TLN1: variants seen among roughly 807,000 people sequenced by gnomAD.
TLN1 encodes the protein talin-1.
TLN1 carries 56 observed loss-of-function variants against 292.3 expected under a neutral mutation model. The observed-to-expected ratio is 0.19, with a 90% CI of 0.15 to 0.24. The LOEUF (loss-of-function observed/expected upper bound fraction) is 0.24, where lower values mean the gene tolerates loss of function less well. Ranked by LOEUF, TLN1 falls within the 10% of genes least tolerant of loss-of-function variation. The pLI is 1.00. For missense variants in TLN1, 2,433 were observed against 3,248.2 expected, an observed-to-expected ratio of 0.75 and a Z score of 6.10; for synonymous variants, 1,119 against 1,253.7, an observed-to-expected ratio of 0.89 and a Z score of 2.27.
intron 33 of TLN1, among the ~76,000 whole-genome samples, chr9:35,709,156 G>A (rs1456529302): frequency 2.0e-5 from 3 of 152,176 alleles, no homozygotes; most frequent in African/African-American, 7.2e-5. Flanking sequence ...TCAGACGGGT[G>A]TGGTGGCAGG....
rs1367577993 is a variant in TLN1 at position 35,724,659 on chromosome 9, T to G, written c.424A>C (p.Thr142Pro). 6.2e-7 allele frequency: 1 copy of G among 1,614,114 alleles called. No individual in the cohort carries two copies. Among genetic ancestry groups the G allele is most frequent in the Non-Finnish European group, 8.5e-7 (1 of 1,180,048 alleles). ...ELMEEKKEEITGTLRKDKTLL... is the reference protein window; with the variant it reads ...ELMEEKKEEIPGTLRKDKTLL... The stretch of plus-strand genomic sequence containing the variant: ...GTCTTGTCCTTTCTTAAGGTCCCTG[T>G]TATTTCCTCCTTTTTCTCTTCCATC... Residue 142 changes from threonine (T) to proline (P), a missense_variant, in exon 5 of 57, where the codon ACA becomes CCA. This residue lies in a region of TLN1 where 155 missense variants were observed against 287.9 expected (regional missense o/e 0.54). Coordinates refer to ENST00000314888, the MANE Select transcript of TLN1 (RefSeq NM_006289.4). This position sits in a 1 kb window ranked among gnomAD's most constrained non-coding sequence, Gnocchi z 4.7.
In TLN1 at chr9:35,697,782, G is replaced by A; in HGVS notation, c.*9C>T. 1.9e-6 allele frequency: 3 copies of A among 1,613,892 alleles called. No homozygotes were observed. Among genetic ancestry groups the A allele is most frequent in the Non-Finnish European group, 2.5e-6 (3 of 1,179,960 alleles). On this transcript the variant is annotated 3_prime_UTR_variant, in exon 57 of 57. Coordinates refer to ENST00000314888, the MANE Select transcript of TLN1 (RefSeq NM_006289.4). ...TGGGCCGGGTCTGCATTAAATAGAA[G>A]AGGCTTCTTTAGTGCTCATCTCGAA...
intron 29 of TLN1, 21 bp downstream of exon 29, chr9:35,711,574 A>G: frequency 6.2e-7 from 1 of 1,613,370 alleles, no homozygotes; most frequent in Non-Finnish European, 8.5e-7. Flanking sequence ...CCATTCAACC[A>G]GACCCTCTGC....
chr9:35,714,444 G>A lies in TLN1; in HGVS notation c.2986-71C>T, dbSNP rs1379239310. 1.9e-6 allele frequency: 3 copies of A among 1,574,538 alleles called. No homozygotes were observed. Among genetic ancestry groups the A allele is most frequent in the Non-Finnish European group, 2.6e-6 (3 of 1,162,328 alleles). On this transcript the variant is annotated intron_variant, in intron 23 of 56. Coordinates refer to ENST00000314888, the MANE Select transcript of TLN1 (RefSeq NM_006289.4). The surrounding 1 kb of genome is among the most constrained non-coding windows in gnomAD (Gnocchi z 4.6). ...GGGCTTGGGTACAAGGACTGATGAT[G>A]GTCAGGATGTAGGGAACACTGGGGC...
chr9:35,698,230 G>T lies in TLN1; in HGVS notation c.7372-58C>A. ...CTCAGGTACGGTCCCAGTTGAGACA[G>T]TACCTCAATTCTCTCATAGAAACAT... On this transcript the variant is annotated intron_variant, in intron 55 of 56. Coordinates refer to ENST00000314888, the MANE Select transcript of TLN1 (RefSeq NM_006289.4). The surrounding 1 kb of genome is among the most constrained non-coding windows in gnomAD (Gnocchi z 5.3). 2 of 1,610,148 alleles carry T rather than the reference G, an allele frequency of 1.2e-6. No individual in the cohort carries two copies. The highest frequency in any genetic ancestry group is 2.2e-5 in the South Asian group (2 of 90,950).
In TLN1 at chr9:35,722,825, C is replaced by T. The variant is rs200398103; in HGVS notation, c.843+36G>A. ...AGTAAGATTAAGCAGCAAAGCTCCG[C>T]GGTCATCCCAAATACTTTCCCCTAC... On this transcript the variant is annotated intron_variant, in intron 8 of 56. Coordinates refer to ENST00000314888, the MANE Select transcript of TLN1 (RefSeq NM_006289.4). 461 of 1,605,110 alleles carry T rather than the reference C, an allele frequency of 2.9e-4. 2 individuals are homozygous for T. Among genetic ancestry groups the T allele is most frequent in the Admixed American group, 1.0e-3 (62 of 59,956 alleles).
At chr9:35,713,332 AAGGAGAAGGTG>A in intron 25 of TLN1, 34 bp from the exon 26 acceptor site, 2 of 1,541,794 alleles carry the variant, frequency 1.3e-6, no homozygotes, top group Non-Finnish European at 1.8e-6. Flanking sequence ...GGGCTTGAGA[AAGGAGAAGGTG>A]AGGAGAAGGA....
At position 35,706,003 on chromosome 9, in the gene TLN1, C is replaced by T. The variant is rs1177596250; in HGVS notation, c.5470G>A (p.Val1824Met). Residue 1824 changes from valine (V) to methionine (M), a missense_variant, in exon 41 of 57, where the codon GTG becomes ATG. Val to Met is a conservative substitution (Grantham distance 21). Around this residue, in one of 7 missense-constraint regions of TLN1, gnomAD observed 1,384 missense variants for 1,699.6 expected, o/e 0.81. Transcript: ENST00000314888. This position sits in a 1 kb window ranked among gnomAD's most constrained non-coding sequence, Gnocchi z 4.2. ...LNEAASAAGV[V>M]GGMVDSITQA... ...GTGATGGAGTCCACCATGCCACCCA[C>T]GACCCCAGCAGCACTGGCTGCCTCG... is the stretch of plus-strand genomic sequence containing the variant. 26 of 1,614,110 alleles carry T rather than the reference C, an allele frequency of 1.6e-5. No homozygotes were observed. Among genetic ancestry groups the T allele is most frequent in the Non-Finnish European group, 2.2e-5 (26 of 1,180,042 alleles).
chr9:35,721,565 C>T (rs540701013), intron 10 of TLN1, 83 bp downstream of exon 10: 4 of 1,487,174 alleles, frequency 2.7e-6, no homozygotes, highest in Non-Finnish European at 3.7e-6. Flanking sequence ...AGTATACTTA[C>T]CCCAAGAGAG....
At chr9:35,723,086 G>A in intron 7 of TLN1, 165 bp from the exon 8 acceptor site, 2 of 556,384 alleles carry the variant, frequency 3.6e-6, no homozygotes, top group South Asian at 2.2e-5. Flanking sequence ...TGAAATAGAG[G>A]TGACTTCGTG....
At chr9:35,726,819 G>A (rs1825985996) in intron 1 of TLN1, among the ~76,000 whole-genome samples, 3 of 152,316 alleles carry the variant, frequency 2.0e-5, no homozygotes, top group South Asian at 4.1e-4. Context: ...AATAGACTCT[G>A]GGAGGCCAGG....
Position 35,721,639 on chromosome 9 carries a change from C to T in TLN1, c.1104+9G>A. On this transcript the variant is annotated intron_variant, in intron 10 of 56. Coordinates refer to ENST00000314888, the MANE Select transcript of TLN1 (RefSeq NM_006289.4). Reference sequence around the variant, plus strand: ...CAAAGCACTTTCTTGTTATAGTCCCCAGACTTACCAGGGTGAAGCTTTTGG... The same window carrying T: ...CAAAGCACTTTCTTGTTATAGTCCCTAGACTTACCAGGGTGAAGCTTTTGG... 1.9e-6 allele frequency: 3 copies of T among 1,610,790 alleles called. No individual in the cohort carries two copies. The highest frequency in any genetic ancestry group is 1.1e-5 in the South Asian group (1 of 91,034).
At position 35,714,720 on chromosome 9, in the gene TLN1, G is replaced by A. The variant is rs1053240785; in HGVS notation, c.2872-33C>T. 1.2e-6 allele frequency: 2 copies of A among 1,612,378 alleles called. No individual in the cohort carries two copies. Among genetic ancestry groups the A allele is most frequent in the Non-Finnish European group, 1.7e-6 (2 of 1,178,808 alleles). ...TGAAAATGTCATAAGAGACCCACAA[G>A]TCTCCCTCTTCCACTCCCACATCCT... On this transcript the variant is annotated intron_variant, in intron 22 of 56. Coordinates refer to ENST00000314888, the MANE Select transcript of TLN1 (RefSeq NM_006289.4). This position sits in a 1 kb window ranked among gnomAD's most constrained non-coding sequence, Gnocchi z 4.6.
Position 35,710,821 on chromosome 9 carries a change from C to T in TLN1, c.4179G>A (p.Leu1393=), listed in dbSNP as rs139083109. The part of the protein sequence containing the change: ...PINDMSYFGC[L]DSVMENSKVL... ...CCTTTGAGTTCTCCATTACACTGTC[C>T]AGGCAACCAAAGTAGGACATGTCAT... The change falls in exon 32 of 57, where the codon CTG becomes CTA. Residue 1393 remains leucine (L), a synonymous_variant. Transcript: ENST00000314888. 424 of 1,614,114 alleles carry T rather than the reference C, an allele frequency of 2.6e-4. No homozygotes were observed. The highest frequency in any genetic ancestry group is 3.5e-4 in the Non-Finnish European group (408 of 1,180,042).
Position 35,721,636 on chromosome 9 carries a change from C to A in TLN1, c.1104+12G>T. On this transcript the variant is annotated intron_variant, in intron 10 of 56. Coordinates refer to ENST00000314888, the MANE Select transcript of TLN1 (RefSeq NM_006289.4). ...TCCCAAAGCACTTTCTTGTTATAGT[C>A]CCCAGACTTACCAGGGTGAAGCTTT... 1 of 1,610,564 alleles carries A rather than the reference C, an allele frequency of 6.2e-7. No individual in the cohort carries two copies. The highest frequency in any genetic ancestry group is 8.5e-7 in the Non-Finnish European group (1 of 1,177,022).
Position 35,724,107 on chromosome 9 carries a change from T to C in TLN1, c.655-28A>G. ...GGAGAGCACAGGGCAAGGAGGCGAA[T>C]GTTGTGTGTGGGTGCAAGGACACGC... On this transcript the variant is annotated intron_variant, in intron 6 of 56. Transcript: ENST00000314888. The surrounding 1 kb of genome is among the most constrained non-coding windows in gnomAD (Gnocchi z 4.7). The C allele has an allele frequency of 6.2e-7, 1 of 1,612,598 alleles. No homozygotes were observed. The highest frequency in any genetic ancestry group is 8.5e-7 in the Non-Finnish European group (1 of 1,178,800).
intron 56 of TLN1, 30 bp from the exon 57 acceptor site, chr9:35,697,946 G>A (rs1825395182): frequency 1.2e-6 from 2 of 1,613,928 alleles, no homozygotes; most frequent in Non-Finnish European, 1.7e-6. Context: ...ACTTAGTTCA[G>A]TGAGGATGCA....
At position 35,717,050 on chromosome 9, in the gene TLN1, T is replaced by C. The variant is rs1265217902; in HGVS notation, c.2458+96A>G. 15 of 1,417,026 alleles carry C rather than the reference T, an allele frequency of 1.1e-5. No individual in the cohort carries two copies. Among genetic ancestry groups the C allele is most frequent in the African/African-American group, 1.4e-5 (1 of 70,042 alleles). The allele number at this position is 1,417,026 out of a possible 1,614,324, so 87.8% of individuals were successfully genotyped here. A position where few individuals can be genotyped will look rare whatever the true frequency, so the allele number is the denominator to read the frequency against. On this transcript the variant is annotated intron_variant, in intron 19 of 56. Transcript: ENST00000314888. This position sits in a 1 kb window ranked among gnomAD's most constrained non-coding sequence, Gnocchi z 4.7. ...GCAAGCCCACACTGTGCTGAGTTCCTTGGGGTGAAGTGGTTAGGTCCGCAA... is the reference window on the plus strand; with the variant it reads ...GCAAGCCCACACTGTGCTGAGTTCCCTGGGGTGAAGTGGTTAGGTCCGCAA...
chr9:35,715,927 C>G (rs372842392), intron 20 of TLN1, among the ~76,000 whole-genome samples: 8 of 152,064 alleles, frequency 5.3e-5, no homozygotes, highest in African/African-American at 1.9e-4. Flanking sequence ...GGGGAGGATA[C>G]TGAATGTTCC....
Sources: allele counts gnomAD v4.1 joint callset (sites outside exome capture counted in the v4.1 genomes callset), GRCh38; gene constraint gnomAD v4.1.1; regional missense constraint gnomAD v4.1.1; non-coding constraint Gnocchi (gnomAD v3.1); transcripts MANE v1.5; gene names NCBI Gene and HGNC (gene_info 2026-07-23, HGNC 2026-07-21).